The following RAB25 variants were observed in gnomAD, a reference collection of about 807,000 sequenced individuals.
The protein encoded by RAB25 is ras-related protein Rab-25.
RAB25 carries 23 observed loss-of-function variants against 25.2 expected under a neutral mutation model. That is an observed-to-expected ratio of 0.91 (90% confidence interval 0.66 to 1.29). RAB25 has a LOEUF of 1.29. Among genes scored for constraint, RAB25 ranks in the 50% most tolerant of loss-of-function variants. RAB25 has a pLI of 0.00. For synonymous variants in RAB25, 102 were observed against 111.5 expected (o/e 0.91, Z 0.54); for missense variants, 244 against 277.3 (o/e 0.88, Z 0.85).
At chr1:156,069,225 A>C (rs954122792) in intron 3 of RAB25, among the ~76,000 whole-genome samples, 3 of 152,028 alleles carry the variant, frequency 2.0e-5, no homozygotes, top group Admixed American at 6.6e-5. Context: ...TCCGTCACCC[A>C]GGCTGGGGTG....
At chr1:156,069,610 ATAT>A (rs139198052) in intron 3 of RAB25, 58 bp from the exon 4 acceptor site, 489 of 1,267,398 alleles carry the variant, frequency 3.9e-4, no homozygotes, top group Middle Eastern at 7.4e-4. Context: ...GCAAACATTA[ATAT>A]TATTATTATT....
In RAB25 at chr1:156,061,328, A is replaced by G; in HGVS notation, c.-73A>G. 1 of 1,448,648 alleles carries G rather than the reference A, an allele frequency of 6.9e-7. No individual in the cohort carries two copies. The highest frequency in any genetic ancestry group is 9.7e-7 in the Non-Finnish European group (1 of 1,030,198). The allele number at this position is 1,448,648 out of a possible 1,614,324, so 89.7% of individuals were successfully genotyped here. ...CAGATCTTTTGAGAGCTGAGGGTTGAGGGCATTGAGCCAACACACAGATTT... is the reference window on the plus strand; with the variant it reads ...CAGATCTTTTGAGAGCTGAGGGTTGGGGGCATTGAGCCAACACACAGATTT... On this transcript the variant is annotated 5_prime_UTR_variant, in exon 1 of 5. The change abolishes the stop of an existing upstream ORF in the 5' untranslated region. Transcript: ENST00000361084.
In RAB25 at chr1:156,065,935, TG is replaced by T. The variant is rs748443711; in HGVS notation, c.72del (p.Lys25ArgfsTer30). 2 of 1,609,514 alleles carry T rather than the reference TG, an allele frequency of 1.2e-6. No homozygotes were observed. The highest frequency in any genetic ancestry group is 2.7e-5 in the African/African-American group (2 of 74,984). ...GTGGTGCTGATCGGCGAATCAGGTG[TG>T]GGGAAGACCAATCTACTCTCCCGAT... is the stretch of plus-strand genomic sequence containing the variant. ...FKVVLIGESG[V>X]GKTNLLSRFT... On this transcript the variant is annotated frameshift_variant, in exon 2 of 5. Transcript: ENST00000361084. LOFTEE classifies it high-confidence loss of function.
intron 1 of RAB25, 64 bp from the exon 2 acceptor site, chr1:156,065,847 C>A: frequency 7.6e-7 from 1 of 1,319,832 alleles, no homozygotes; most frequent in Non-Finnish European, 1.0e-6. Flanking sequence ...GCAGACCCTC[C>A]AAGCTCAGGT....
In RAB25 at chr1:156,070,193, A is replaced by G. The variant is rs2102772643; in HGVS notation, c.548A>G (p.Asn183Ser). ...GCGAAGGTGTCCAAGCAGAGACAGA[A>G]CAGCATCCGGACCAATGCCATCACT... ...IFAKVSKQRQ[N>S]SIRTNAITLG... Residue 183 changes from asparagine (N) to serine (S), a missense_variant, in exon 5 of 5, where the codon AAC (asparagine) becomes AGC (serine). Coordinates refer to ENST00000361084, the MANE Select transcript of RAB25 (RefSeq NM_020387.4). 6.2e-7 allele frequency: 1 copy of G among 1,614,082 alleles called. No individual in the cohort carries two copies. The highest frequency in any genetic ancestry group is 2.2e-5 in the East Asian group (1 of 44,846).
Position 156,070,264 on chromosome 1 carries a change from A to C in RAB25, c.619A>C (p.Arg207=). Residue 207 remains arginine (R), a synonymous_variant, in exon 5 of 5, where the codon AGG becomes CGG. Coordinates refer to ENST00000361084, the MANE Select transcript of RAB25 (RefSeq NM_020387.4). ...ACAGGAGCCTGGCCCTGGGGAGAAGAGGGCCTGTTGCATCAGCCTCTGACC... is the reference window on the plus strand; with the variant it reads ...ACAGGAGCCTGGCCCTGGGGAGAAGCGGGCCTGTTGCATCAGCCTCTGACC... ...AGQEPGPGEK[R]ACCISL is the part of the protein sequence containing the mutation. 6.2e-7 allele frequency: 1 copy of C among 1,613,952 alleles called. No homozygotes were observed. Among genetic ancestry groups the C allele is most frequent in the Non-Finnish European group, 8.5e-7 (1 of 1,179,944 alleles).
At chr1:156,068,188 G>A in intron 2 of RAB25, 82 bp from the exon 3 acceptor site, 2 of 1,257,364 alleles carry the variant, frequency 1.6e-6, no homozygotes, top group Non-Finnish European at 2.3e-6. Flanking sequence ...GATCCCGGGT[G>A]TTCCAGCTTG....
chr1:156,065,113 C>T (rs1277678648), intron 1 of RAB25, among the ~76,000 whole-genome samples: 3 of 152,210 alleles, frequency 2.0e-5, no homozygotes, highest in Admixed American at 6.5e-5. Flanking sequence ...CTGCTAACAA[C>T]AATCATACCA....
chr1:156,069,487 G>T (rs1035795920), intron 3 of RAB25, among the ~76,000 whole-genome samples, 184 bp from the exon 4 acceptor site: 1 of 152,066 alleles, frequency 6.6e-6, no homozygotes, highest in African/African-American at 2.4e-5. Flanking sequence ...CCCCTTATTT[G>T]TTTTCTTTGT....
chr1:156,062,076 G>A (rs1048722190), intron 1 of RAB25, among the ~76,000 whole-genome samples: 7 of 152,134 alleles, frequency 4.6e-5, no homozygotes, highest in Non-Finnish European at 1.5e-5. Flanking sequence ...CACCACACCC[G>A]GCCAGGACTT....
intron 2 of RAB25, 126 bp from the exon 3 acceptor site, chr1:156,068,144 G>T: frequency 2.3e-6 from 2 of 861,444 alleles, no homozygotes; most frequent in South Asian, 1.8e-5. Context: ...GCCCCTGGCC[G>T]CAAGTTTCTG....
chr1:156,069,828 C>G, intron 4 of RAB25, 77 bp downstream of exon 4: 1 of 1,269,880 alleles, frequency 7.9e-7, no homozygotes, highest in Non-Finnish European at 1.2e-6. Flanking sequence ...TGCAGACACT[C>G]AGCCCTCACC....
chr1:156,068,262 C>T lies in RAB25; in HGVS notation c.240-8C>T, dbSNP rs754624254. ...GTATCTCTGTCCATCCTTCTCATTC[C>T]CACCCAGGTACTATCGTGGTGCAGT... On this transcript the variant is annotated splice_region_variant and splice_polypyrimidine_tract_variant and intron_variant, in intron 2 of 4. Coordinates refer to ENST00000361084, the MANE Select transcript of RAB25 (RefSeq NM_020387.4). 1.2e-6 allele frequency: 2 copies of T among 1,603,820 alleles called. No homozygotes were observed. Among genetic ancestry groups the T allele is most frequent in the Non-Finnish European group, 1.7e-6 (2 of 1,171,016 alleles).
chr1:156,069,527 T>G lies in RAB25; in HGVS notation c.434-144T>G, dbSNP rs116445755. On this transcript the variant is annotated intron_variant, in intron 3 of 4. Transcript: ENST00000361084. Reference sequence around the variant, plus strand: ...CTGGATTCAGTTTTCTAAATGAACCTACCTTGTAAGTTGTTTTAAGGATTA... The same window carrying G: ...CTGGATTCAGTTTTCTAAATGAACCGACCTTGTAAGTTGTTTTAAGGATTA... 1,194 of 687,186 alleles carry G rather than the reference T, an allele frequency of 1.7e-3. 14 individuals carry two copies. The African/African-American group carries it at 0.018, about 10-fold the overall frequency. The allele number at this position is 687,186 out of a possible 1,614,324, so 42.6% of individuals were successfully genotyped here.
chr1:156,062,210 A>G (rs1219231473), intron 1 of RAB25, among the ~76,000 whole-genome samples: 1 of 152,182 alleles, frequency 6.6e-6, no homozygotes, highest in Non-Finnish European at 1.5e-5. Flanking sequence ...ATAAATACAT[A>G]GGGAAGACAG....
rs746580804 is a variant in RAB25 at position 156,066,107 on chromosome 1, G to A, written c.239+1G>A. On this transcript the variant is annotated splice_donor_variant, in intron 2 of 4. Coordinates refer to ENST00000361084, the MANE Select transcript of RAB25 (RefSeq NM_020387.4). LOFTEE classifies it high-confidence loss of function. ...AGCGGTACCGAGCCATCACCTCGGC[G>A]TGAGCCCGGGCCTGGGGGGCTGCTG... 10 of 1,572,024 alleles carry A rather than the reference G, an allele frequency of 6.4e-6. No individual in the cohort carries two copies. The East Asian group carries it at 6.9e-5, about 11-fold the overall frequency.
Position 156,068,403 on chromosome 1 carries a change from A to G in RAB25, c.373A>G (p.Asn125Asp). Reference protein sequence around the residue: ...EATIVVMLVGNKSDLSQAREV... With the variant: ...EATIVVMLVGDKSDLSQAREV... ...CACGATCGTCGTCATGCTCGTGGGT[A>G]ACAAAAGTGACCTCAGCCAGGCCCG... The change falls in exon 3 of 5, where the codon AAC becomes GAC. Residue 125 changes from asparagine (N) to aspartate (D), a missense_variant. Transcript: ENST00000361084. 1 of 1,614,058 alleles carries G rather than the reference A, an allele frequency of 6.2e-7. No homozygotes were observed. The highest frequency in any genetic ancestry group is 2.2e-5 in the East Asian group (1 of 44,884).
intron 1 of RAB25, among the ~76,000 whole-genome samples, chr1:156,064,043 T>G (rs1371626313): frequency 6.6e-6 from 1 of 152,170 alleles, no homozygotes; most frequent in Non-Finnish European, 1.5e-5. Context: ...TAAGCACCTT[T>G]GTGGTATGAC....
intron 4 of RAB25, 79 bp from the exon 5 acceptor site, chr1:156,070,081 A>G (rs1314923535): frequency 1.9e-6 from 3 of 1,606,824 alleles, no homozygotes; most frequent in Non-Finnish European, 2.6e-6. Context: ...AGGGGCATGC[A>G]GTATGTATGG....
Sources: allele counts gnomAD v4.1 joint callset (sites outside exome capture counted in the v4.1 genomes callset), GRCh38; gene constraint gnomAD v4.1.1; transcripts MANE v1.5; gene names NCBI Gene and HGNC (gene_info 2026-07-23, HGNC 2026-07-21).